VEGFC: variants seen among roughly 807,000 people sequenced by gnomAD.
VEGFC encodes the protein FLT4 ligand DHM.
A neutral mutation model predicts 46.1 loss-of-function variants in VEGFC; 12 were observed. That is an observed-to-expected ratio of 0.26 (90% confidence interval 0.17 to 0.42). The LOEUF (loss-of-function observed/expected upper bound fraction) is 0.42. Among genes scored for constraint, VEGFC ranks in the 10% least tolerant of loss-of-function variants. The pLI, the probability that VEGFC is intolerant of heterozygous loss-of-function variation, is 1.00. For missense variants in VEGFC, 488 were observed against 529.4 expected, an observed-to-expected ratio of 0.92 and a Z score of 0.77; for synonymous variants, 232 against 195.5, an observed-to-expected ratio of 1.19 and a Z score of -1.56.
intron 4 of VEGFC, among the ~76,000 whole-genome samples, chr4:176,694,064 G>C (rs1344034110): frequency 1.3e-5 from 2 of 151,136 alleles, no homozygotes; most frequent in African/African-American, 2.4e-5. Flanking sequence ...GGAAGAAACT[G>C]CATCAACTAA....
At chr4:176,756,050 G>T (rs891948279) in intron 1 of VEGFC, among the ~76,000 whole-genome samples, 1 of 152,024 alleles carries the variant, frequency 6.6e-6, no homozygotes, top group Non-Finnish European at 1.5e-5. Flanking sequence ...TATAGGTAAA[G>T]TTCTAAGGTC....
intron 6 of VEGFC, among the ~76,000 whole-genome samples, chr4:176,684,409 T>C (rs918875056): frequency 6.6e-6 from 1 of 152,212 alleles, no homozygotes; most frequent in South Asian, 2.1e-4. Context: ...AGAATTCACA[T>C]GAGTCTGGGA....
chr4:176,686,107 A>G (rs1345887411), intron 6 of VEGFC, among the ~76,000 whole-genome samples: 1 of 152,220 alleles, frequency 6.6e-6, no homozygotes, highest in African/African-American at 2.4e-5. Flanking sequence ...TTAAAAACAA[A>G]TGGTCTGAAA....
intron 1 of VEGFC, among the ~76,000 whole-genome samples, chr4:176,766,242 T>C (rs778656834): frequency 1.3e-5 from 2 of 152,164 alleles, no homozygotes; most frequent in African/African-American, 2.4e-5. Flanking sequence ...TCAATATCTA[T>C]ATTCAAGGTG....
intron 1 of VEGFC, among the ~76,000 whole-genome samples, chr4:176,791,674 G>C (rs1157315940): frequency 3.3e-5 from 5 of 152,114 alleles, no homozygotes; most frequent in Non-Finnish European, 7.4e-5. Context: ...TAAAGTCCCT[G>C]ACACTTTTTT....
chr4:176,782,224 TG>T (rs1313401869), intron 1 of VEGFC, among the ~76,000 whole-genome samples: 4 of 152,204 alleles, frequency 2.6e-5, no homozygotes, highest in Non-Finnish European at 4.4e-5. Flanking sequence ...CCCAGCACTT[TG>T]GGAGGCCAAG....
At chr4:176,774,948 C>T (rs1735790831) in intron 1 of VEGFC, among the ~76,000 whole-genome samples, 1 of 152,102 alleles carries the variant, frequency 6.6e-6, no homozygotes, top group Non-Finnish European at 1.5e-5. Context: ...CAGCCTCAGA[C>T]TAGGGCAAGC....
chr4:176,774,692 T>C (rs1452428118), intron 1 of VEGFC, among the ~76,000 whole-genome samples: 2 of 152,136 alleles, frequency 1.3e-5, no homozygotes, highest in Non-Finnish European at 2.9e-5. Flanking sequence ...GTCTTGAAGA[T>C]ATATTACACA....
intron 4 of VEGFC, among the ~76,000 whole-genome samples, chr4:176,703,277 C>T (rs901447500): frequency 1.3e-4 from 20 of 151,896 alleles, no homozygotes; most frequent in Admixed American, 9.9e-4. Context: ...ATATACACAA[C>T]GGAGTACTAT....
chr4:176,684,553 C>T (rs986267295), intron 6 of VEGFC, among the ~76,000 whole-genome samples: 2 of 152,140 alleles, frequency 1.3e-5, no homozygotes, highest in Admixed American at 1.3e-4. Context: ...CTAACTCTTC[C>T]TTTCCACCTT....
At chr4:176,692,794 T>A (rs941893386) in intron 4 of VEGFC, among the ~76,000 whole-genome samples, 1 of 146,872 alleles carries the variant, frequency 6.8e-6, no homozygotes, top group Admixed American at 6.7e-5. Flanking sequence ...ACGGGCAGAC[T>A]GCTTCCTCAA....
intron 1 of VEGFC, among the ~76,000 whole-genome samples, chr4:176,732,654 C>T (rs938457170): frequency 1.3e-5 from 2 of 151,200 alleles, no homozygotes; most frequent in African/African-American, 2.4e-5. Flanking sequence ...GTAAACATTG[C>T]TTAGCTATTC....
intron 1 of VEGFC, among the ~76,000 whole-genome samples, chr4:176,776,170 T>C (rs1219233247): frequency 6.6e-6 from 1 of 152,188 alleles, no homozygotes; most frequent in East Asian, 1.9e-4. Context: ...TTTACATAAG[T>C]CTGAAAGTGT....
intron 1 of VEGFC, among the ~76,000 whole-genome samples, 179 bp downstream of exon 1, chr4:176,791,986 A>G (rs1393975866): frequency 6.6e-6 from 1 of 152,170 alleles, no homozygotes; most frequent in Non-Finnish European, 1.5e-5. Flanking sequence ...TCTAGTAACA[A>G]CTTTCTATTT....
intron 3 of VEGFC, among the ~76,000 whole-genome samples, chr4:176,714,874 A>C (rs1254395467): frequency 6.6e-6 from 1 of 152,228 alleles, no homozygotes; most frequent in Non-Finnish European, 1.5e-5. Context: ...AGAATAGCTA[A>C]TTCACATTAA....
intron 4 of VEGFC, among the ~76,000 whole-genome samples, chr4:176,694,047 G>A (rs1734260659): frequency 6.6e-6 from 1 of 151,140 alleles, no homozygotes; most frequent in Non-Finnish European, 1.5e-5. Context: ...AAAGACCATC[G>A]AGACTAGGAA....
In VEGFC at chr4:176,684,054, CAAG is replaced by C. The variant is rs1360155990; in HGVS notation, c.1146-17_1146-15del. 1.3e-6 allele frequency: 2 copies of C among 1,585,842 alleles called. No individual in the cohort carries two copies. Among genetic ancestry groups the C allele is most frequent in the African/African-American group, 1.3e-5 (1 of 74,308 alleles). ...CGTCTGTAACAGCTAGGAGAACAAA[CAAG>C]AACACACTTACGTTAAAGATCAAGG... is the stretch of plus-strand genomic sequence containing the variant. On this transcript the variant is annotated splice_polypyrimidine_tract_variant and intron_variant, in intron 6 of 6. Transcript: ENST00000618562.
intron 2 of VEGFC, among the ~76,000 whole-genome samples, chr4:176,729,089 C>T (rs1220175469): frequency 2.6e-5 from 4 of 152,118 alleles, no homozygotes; most frequent in Admixed American, 6.6e-5. Context: ...GCTTAAGTCC[C>T]GCTCTGAGCC....
chr4:176,731,570 T>C lies in VEGFC; in HGVS notation c.148-1824A>G, dbSNP rs150514983. Among the ~76,000 whole-genome samples the C allele has an allele frequency of 5.3e-5, 8 of 151,942 alleles. 1 individual carries two copies. Among genetic ancestry groups the C allele is most frequent in the African/African-American group, 1.9e-4 (8 of 41,474 alleles). Reference sequence around the variant, plus strand: ...TCAGTTTTTGTTTGTCTCTGCTTGTTGAATAGCCCTAGAAGAAAAGGAGCA... The same window carrying C: ...TCAGTTTTTGTTTGTCTCTGCTTGTCGAATAGCCCTAGAAGAAAAGGAGCA... On this transcript the variant is annotated intron_variant, in intron 1 of 6. Transcript: ENST00000618562.
Sources: gnomAD v4.1 joint callset for allele counts (sites outside exome capture counted in the v4.1 genomes callset) on GRCh38, gnomAD v4.1.1 for gene constraint, MANE v1.5 for transcripts, NCBI Gene and HGNC (gene_info 2026-07-23, HGNC 2026-07-21) for gene names.